METTL21C: variants seen among roughly 807,000 people sequenced by gnomAD.
METTL21C encodes methyltransferase 21C, AARS1 lysine.
A neutral mutation model predicts 25.9 loss-of-function variants in METTL21C; 21 were observed. The ratio of observed to expected loss-of-function variants is 0.81; its 90% CI spans 0.58 to 1.17. The LOEUF (loss-of-function observed/expected upper bound fraction) is 1.17, where lower values mean the gene tolerates loss of function less well. Among genes scored for constraint, METTL21C ranks in the 50% most tolerant of loss-of-function variants. The pLI, the probability that METTL21C is intolerant of heterozygous loss-of-function variation, is 0.00. For synonymous variants in METTL21C, 125 were observed against 124.7 expected, an observed-to-expected ratio of 1.00 and a Z score of -0.01; for missense variants, 312 against 315.1, an observed-to-expected ratio of 0.99 and a Z score of 0.07.
chr13:102,700,185 T>A, the METTL21C span, among the ~76,000 whole-genome samples: 4 of 152,176 alleles, frequency 2.6e-5, no homozygotes, highest in South Asian at 2.1e-4. Flanking sequence ...TATAGTCTTT[T>A]TATTTTAAAA....
upstream of METTL21C, among the ~76,000 whole-genome samples, chr13:102,698,540 C>G (rs577914457): frequency 6.6e-6 from 1 of 152,266 alleles, no homozygotes; most frequent in South Asian, 2.1e-4. Flanking sequence ...ACTAAAACCA[C>G]CCACATCAGC....
Position 102,690,955 on chromosome 13 carries a change from T to C in METTL21C, c.140A>G (p.Lys47Arg), listed in dbSNP as rs1885815341. 2 of 1,613,934 alleles carry C rather than the reference T, an allele frequency of 1.2e-6. No homozygotes were observed. The highest frequency in any genetic ancestry group is 1.7e-6 in the Non-Finnish European group (2 of 1,179,960). ...STGGVLEESN[K>R]IEPSLHSLQK... ...GAGGCTATGAAGAGATGGTTCTATCTTGTTGGATTCTGTGAAGCAGAAAAA... is the reference window on the plus strand; with the variant it reads ...GAGGCTATGAAGAGATGGTTCTATCCTGTTGGATTCTGTGAAGCAGAAAAA... The change falls in exon 2 of 4, where the codon AAG becomes AGG. Residue 47 changes from lysine to arginine, a missense_variant. By Grantham distance (26) the Lys-to-Arg change is conservative. Coordinates refer to ENST00000267273, the MANE Select transcript of METTL21C (RefSeq NM_001010977.3).
chr13:102,694,124 G>GAA (rs139461320), intron 1 of METTL21C, among the ~76,000 whole-genome samples: 3 of 151,284 alleles, frequency 2.0e-5, no homozygotes, highest in African/African-American at 7.3e-5. Flanking sequence ...TCTATACATA[G>GAA]AAAAAAAACA....
intron 1 of METTL21C, among the ~76,000 whole-genome samples, chr13:102,693,962 T>C (rs1165581531): frequency 6.6e-6 from 1 of 152,208 alleles, no homozygotes; most frequent in Non-Finnish European, 1.5e-5. Flanking sequence ...CCCTAAACTG[T>C]TACATTGTCC....
At chr13:102,692,768 G>T (rs1296377342) in intron 1 of METTL21C, among the ~76,000 whole-genome samples, 1 of 152,134 alleles carries the variant, frequency 6.6e-6, no homozygotes, top group Non-Finnish European at 1.5e-5. Flanking sequence ...CTCTAATAAA[G>T]GTAACCAATT....
the METTL21C span, among the ~76,000 whole-genome samples, chr13:102,701,001 T>C: frequency 6.6e-6 from 1 of 151,920 alleles, no homozygotes; most frequent in Non-Finnish European, 1.5e-5. Flanking sequence ...TTGACCACTG[T>C]TCAGAAAGAT....
chr13:102,702,417 A>C, the METTL21C span, among the ~76,000 whole-genome samples: 7 of 152,320 alleles, frequency 4.6e-5, no homozygotes, highest in African/African-American at 1.4e-4. Context: ...CAGTATGATA[A>C]AAGCAAGGAA....
At chr13:102,700,747 C>T in the METTL21C span, among the ~76,000 whole-genome samples, 1 of 152,180 alleles carries the variant, frequency 6.6e-6, no homozygotes, top group Non-Finnish European at 1.5e-5. Context: ...AACACCATAT[C>T]TTCACAGTGA....
upstream of METTL21C, among the ~76,000 whole-genome samples, chr13:102,695,197 C>G (rs536691299): frequency 6.6e-6 from 1 of 152,116 alleles, no homozygotes; most frequent in South Asian, 2.1e-4. Flanking sequence ...AGAAAGAACA[C>G]AAGGATCTAC....
rs111474584 is a variant in METTL21C at position 102,694,873 on chromosome 13, TTCTCTCTCTCTC to T, written c.-387_-376del. On this transcript the variant is annotated 5_prime_UTR_variant, in exon 1 of 4. Transcript: ENST00000267273. The stretch of plus-strand genomic sequence containing the variant: ...ATTACTTTGCTAGAATTCTCTCTCT[TTCTCTCTCTCTC>T]TCTCTCTCTCTCTCTCACACACACA... 7.8e-6 allele frequency among the ~76,000 whole-genome samples: 1 copy of T among 128,210 alleles called. No homozygotes were observed. The highest frequency in any genetic ancestry group is 2.6e-4 in the South Asian group (1 of 3,920). The allele number at this position is 128,210 out of a possible 152,430, so 84.1% of individuals were successfully genotyped here.
chr13:102,690,669 C>T (rs919432685), intron 2 of METTL21C, 144 bp downstream of exon 2: 1 of 858,262 alleles, frequency 1.2e-6, no homozygotes, highest in Non-Finnish European at 1.7e-6. Context: ...AGCACTCCAC[C>T]AACACCCTCC....
At chr13:102,701,112 G>T in the METTL21C span, among the ~76,000 whole-genome samples, 18 of 151,902 alleles carry the variant, frequency 1.2e-4, no homozygotes, top group African/African-American at 3.9e-4. Context: ...TCCTTCCCCT[G>T]TTCTAGGGGA....
At chr13:102,686,712 G>C (rs1213414608) in intron 3 of METTL21C, among the ~76,000 whole-genome samples, 2 of 152,182 alleles carry the variant, frequency 1.3e-5, no homozygotes, top group African/African-American at 4.8e-5. Context: ...CATGCCTCTG[G>C]ACTCAACTTC....
chr13:102,688,423 A>G (rs1027242340), intron 2 of METTL21C, among the ~76,000 whole-genome samples: 1 of 152,188 alleles, frequency 6.6e-6, no homozygotes, highest in Non-Finnish European at 1.5e-5. Flanking sequence ...AGTGCTGTAG[A>G]GGAGGCAGAC....
chr13:102,695,583 C>T (rs1291006786), upstream of METTL21C, among the ~76,000 whole-genome samples: 1 of 152,092 alleles, frequency 6.6e-6, no homozygotes, highest in Non-Finnish European at 1.5e-5. Flanking sequence ...TGTTTTTGTA[C>T]CCACCCTCGG....
At chr13:102,691,905 T>G (rs1885840562) in intron 1 of METTL21C, among the ~76,000 whole-genome samples, 1 of 152,142 alleles carries the variant, frequency 6.6e-6, no homozygotes, top group Non-Finnish European at 1.5e-5. Flanking sequence ...CGGGCTGACA[T>G]CAAGAGATCA....
Position 102,686,157 on chromosome 13 carries a change from G to T in METTL21C, c.669C>A (p.Asn223Lys). The change falls in exon 4 of 4, where the codon AAC (asparagine) becomes AAA (lysine). Residue 223 changes from asparagine (N) to lysine (K), a missense_variant. Physicochemically the swap from Asn to Lys is moderately conservative, Grantham distance 94. Coordinates refer to ENST00000267273, the MANE Select transcript of METTL21C (RefSeq NM_001010977.3). ...SQPGTVLLWANKFRFSTDYEF... is the reference protein window; with the variant it reads ...SQPGTVLLWAKKFRFSTDYEF... The stretch of plus-strand genomic sequence containing the variant: ...CATAGTCGGTGCTGAACCTGAATTT[G>T]TTTGCCCAAAGCAGCACCGTCCCTG... 6.2e-7 allele frequency: 1 copy of T among 1,614,202 alleles called. No homozygotes were observed. The highest frequency in any genetic ancestry group is 8.5e-7 in the Non-Finnish European group (1 of 1,180,032).
In METTL21C at chr13:102,694,353, T is replaced by C. The variant is rs778005582; in HGVS notation, c.130+16A>G. On this transcript the variant is annotated intron_variant, in intron 1 of 3. Transcript: ENST00000267273. ...CAACTGAGGAAAACTGTTGAAGTGA[T>C]GAAGAAGGAGGTTACCTTCTAGGAC... 8.1e-6 allele frequency: 13 copies of C among 1,599,440 alleles called. No individual in the cohort carries two copies. Among genetic ancestry groups the C allele is most frequent in the South Asian group, 4.4e-5 (4 of 90,764 alleles).
chr13:102,692,625 T>C (rs1885860069), intron 1 of METTL21C, among the ~76,000 whole-genome samples: 1 of 152,220 alleles, frequency 6.6e-6, no homozygotes, highest in Non-Finnish European at 1.5e-5. Flanking sequence ...ATGGGTGCCT[T>C]CAGTTCTTCA....
Sources: allele counts gnomAD v4.1 joint callset (sites outside exome capture counted in the v4.1 genomes callset), GRCh38; gene constraint gnomAD v4.1.1; transcripts MANE v1.5; gene names NCBI Gene and HGNC (gene_info 2026-07-23, HGNC 2026-07-21).